The following ABTB2 variants were observed in gnomAD, a reference collection of about 807,000 sequenced individuals.
ABTB2 encodes ankyrin repeat and BTB/POZ domain-containing protein 2.
ABTB2 carries 56 observed loss-of-function variants against 104.1 expected under a neutral mutation model. That is an observed-to-expected ratio of 0.54 (90% CI 0.43 to 0.67). ABTB2 has a LOEUF of 0.67. ABTB2 is among the 30% of genes least tolerant of loss of function. ABTB2 has a pLI of 0.00. For missense variants in ABTB2, 1,279 were observed against 1,407.7 expected, an observed-to-expected ratio of 0.91 and a Z score of 1.46; for synonymous variants, 606 against 608.2, an observed-to-expected ratio of 1.00 and a Z score of 0.05.
intron 1 of ABTB2, among the ~76,000 whole-genome samples, chr11:34,234,618 A>G (rs1481316026): frequency 6.6e-6 from 1 of 152,210 alleles, no homozygotes; most frequent in East Asian, 1.9e-4. Flanking sequence ...CGCCTCTCAC[A>G]AAACCTAGGT....
At chr11:34,319,668 T>C (rs1285842073) in intron 1 of ABTB2, among the ~76,000 whole-genome samples, 2 of 152,152 alleles carry the variant, frequency 1.3e-5, no homozygotes, top group African/African-American at 4.8e-5. Flanking sequence ...GACTATTTTA[T>C]TTTATATTTA....
At chr11:34,233,327 C>T (rs116849738) in intron 1 of ABTB2, among the ~76,000 whole-genome samples, 185 of 81,836 alleles carry the variant, frequency 2.3e-3, no homozygotes, top group South Asian at 4.8e-3. Context: ...TCATGGCTCA[C>T]TGCAGCTTTT....
At chr11:34,191,581 C>T (rs1853177744) in intron 3 of ABTB2, among the ~76,000 whole-genome samples, 1 of 152,204 alleles carries the variant, frequency 6.6e-6, no homozygotes, top group South Asian at 2.1e-4. Context: ...ACATATCAGA[C>T]TTCTCCAGGG....
Position 34,154,843 on chromosome 11 carries a change from A to G in ABTB2, c.2698-74T>C, listed in dbSNP as rs1039497202. 2.0e-6 allele frequency: 3 copies of G among 1,498,760 alleles called. No homozygotes were observed. The highest frequency in any genetic ancestry group is 2.8e-6 in the Non-Finnish European group (3 of 1,081,716). 92.8% of individuals were successfully genotyped at this position (1,498,760 alleles called of 1,614,324 possible). A position where few individuals can be genotyped will look rare whatever the true frequency, so the allele number is the denominator to read the frequency against. On this transcript the variant is annotated intron_variant, in intron 14 of 16. Coordinates refer to ENST00000435224, the MANE Select transcript of ABTB2 (RefSeq NM_145804.3). The surrounding 1 kb of genome is among the most constrained non-coding windows in gnomAD (Gnocchi z 4.9). ...AAAGTCCTTGCCAGCCCCACAGGGT[A>G]CTGCTCCAGCTGCCGCCTCCAGGGG...
At chr11:34,230,443 C>T (rs945482170) in intron 1 of ABTB2, among the ~76,000 whole-genome samples, 3 of 152,228 alleles carry the variant, frequency 2.0e-5, no homozygotes, top group East Asian at 1.9e-4. Flanking sequence ...AAATAACTTT[C>T]GGGGAGCCCT....
chr11:34,357,068 C>G lies in ABTB2; in HGVS notation c.516G>C (p.Glu172Asp). The change falls in exon 1 of 17, where the codon GAG becomes GAC. Residue 172 changes from glutamate to aspartate, a missense_variant. Coordinates refer to ENST00000435224, the MANE Select transcript of ABTB2 (RefSeq NM_145804.3). The part of the protein sequence containing the change: ...VRLVHSWALA[E>D]SCALAAVKAL... ...CCTTGACGGCTGCCAGCGCGCAGCT[C>G]TCGGCCAGCGCCCAGCTGTGCACCA... 6.6e-7 allele frequency: 1 copy of G among 1,524,080 alleles called. No individual in the cohort carries two copies. Among genetic ancestry groups the G allele is most frequent in the South Asian group, 1.2e-5 (1 of 83,148 alleles). The allele number at this position is 1,524,080 out of a possible 1,614,324, so 94.4% of individuals were successfully genotyped here. A position where few individuals can be genotyped will look rare whatever the true frequency, so the allele number is the denominator to read the frequency against.
At chr11:34,266,793 G>A (rs1030590167) in intron 1 of ABTB2, among the ~76,000 whole-genome samples, 4 of 151,894 alleles carry the variant, frequency 2.6e-5, no homozygotes, top group Non-Finnish European at 4.4e-5. Flanking sequence ...TGTGCCCTCT[G>A]TAGACATGTG....
At chr11:34,196,091 C>T (rs1280618323) in intron 3 of ABTB2, among the ~76,000 whole-genome samples, 1 of 152,184 alleles carries the variant, frequency 6.6e-6, no homozygotes, top group African/African-American at 2.4e-5. Context: ...GACCCTCAAA[C>T]CCACAACTCT....
At chr11:34,159,768 T>C (rs1293624506) in intron 13 of ABTB2, 138 bp downstream of exon 13, 3 of 702,670 alleles carry the variant, frequency 4.3e-6, no homozygotes, top group African/African-American at 1.8e-5. Flanking sequence ...CGAGTGGGGC[T>C]CTGCTGCAAT....
In ABTB2 at chr11:34,197,522, A is replaced by G; in HGVS notation, c.1047T>C (p.Arg349=). ...SISELSDLVS[R]AMHHMQGRHP... The stretch of plus-strand genomic sequence containing the variant: ...GACGCCCCTGCATGTGGTGCATGGC[A>G]CGGGAGACCAAGTCACCTGGTGGGG... Residue 349 remains arginine, a synonymous_variant, in exon 3 of 17, where the codon CGT becomes CGC. Coordinates refer to ENST00000435224, the MANE Select transcript of ABTB2 (RefSeq NM_145804.3). 4 of 1,580,408 alleles carry G rather than the reference A, an allele frequency of 2.5e-6. No homozygotes were observed. Among genetic ancestry groups the G allele is most frequent in the Non-Finnish European group, 2.6e-6 (3 of 1,169,730 alleles).
At chr11:34,260,851 G>A (rs1854180360) in intron 1 of ABTB2, among the ~76,000 whole-genome samples, 2 of 152,156 alleles carry the variant, frequency 1.3e-5, no homozygotes, top group African/African-American at 4.8e-5. Context: ...ACACGTCCTT[G>A]TCCTGTGGGG....
intron 1 of ABTB2, among the ~76,000 whole-genome samples, chr11:34,352,166 G>A (rs1380030423): frequency 6.6e-6 from 1 of 152,142 alleles, no homozygotes; most frequent in Non-Finnish European, 1.5e-5. Flanking sequence ...ACAACCAGAA[G>A]AGGTTTCGTC....
At chr11:34,340,758 G>A (rs1279200372) in intron 1 of ABTB2, among the ~76,000 whole-genome samples, 1 of 152,186 alleles carries the variant, frequency 6.6e-6, no homozygotes, top group East Asian at 1.9e-4. Flanking sequence ...CGGCTCTCCA[G>A]GTAGATACCA....
chr11:34,251,603 C>T (rs1029144110), intron 1 of ABTB2, among the ~76,000 whole-genome samples: 2 of 152,160 alleles, frequency 1.3e-5, no homozygotes, highest in Non-Finnish European at 2.9e-5. Flanking sequence ...ATGGAGGGTT[C>T]TTTACTTTCT....
In ABTB2 at chr11:34,171,026, T is replaced by G. The variant is rs745911780; in HGVS notation, c.1443A>C (p.Ala481=). Residue 481 remains alanine, a synonymous_variant, in exon 5 of 17, where the codon GCA becomes GCC. Coordinates refer to ENST00000435224, the MANE Select transcript of ABTB2 (RefSeq NM_145804.3). ...FSSFRRLDAR[A]ATEKFNQDLG... ...GGTCCTGGTTGAATTTTTCAGTAGCTGCTCGGGCATCCAGCCTCCGGAAGG... is the reference window on the plus strand; with the variant it reads ...GGTCCTGGTTGAATTTTTCAGTAGCGGCTCGGGCATCCAGCCTCCGGAAGG... 6.2e-7 allele frequency: 1 copy of G among 1,614,202 alleles called. No homozygotes were observed. The highest frequency in any genetic ancestry group is 8.5e-7 in the Non-Finnish European group (1 of 1,180,038).
In ABTB2 at chr11:34,160,888, A is replaced by C; in HGVS notation, c.2397+15T>G. On this transcript the variant is annotated intron_variant, in intron 11 of 16. Transcript: ENST00000435224. ...TGGGCCGTGGGCTTGGGAACTGGCCACTGGCCACACTTACTTTGCTGGTCT... is the reference window on the plus strand; with the variant it reads ...TGGGCCGTGGGCTTGGGAACTGGCCCCTGGCCACACTTACTTTGCTGGTCT... The C allele has an allele frequency of 6.3e-7, 1 of 1,589,332 alleles. No individual in the cohort carries two copies. Among genetic ancestry groups the C allele is most frequent in the Non-Finnish European group, 8.6e-7 (1 of 1,165,744 alleles).
intron 1 of ABTB2, among the ~76,000 whole-genome samples, chr11:34,218,630 AC>A (rs1478175058): frequency 6.6e-6 from 1 of 151,964 alleles, no homozygotes; most frequent in Non-Finnish European, 1.5e-5. Context: ...TGGGCAGATC[AC>A]CTGAGGTCGG....
chr11:34,357,510 TC>T lies in ABTB2; in HGVS notation c.73del (p.Asp25ThrfsTer37), dbSNP rs1419409756. 6.5e-7 allele frequency: 1 copy of T among 1,540,728 alleles called. No individual in the cohort carries two copies. On this transcript the variant is annotated frameshift_variant, in exon 1 of 17. Coordinates refer to ENST00000435224, the MANE Select transcript of ABTB2 (RefSeq NM_145804.3). LOFTEE classifies it high-confidence loss of function. ...CGAGAGGCTGAGCGAGCGGCACGAG[TC>T]CCCGGCCCCATACCCGGAGTCCAAG... ...LTLDSGYGAG[D>X]SCRSLSLSSS...
At chr11:34,220,240 C>T (rs914660907) in intron 1 of ABTB2, among the ~76,000 whole-genome samples, 1 of 152,158 alleles carries the variant, frequency 6.6e-6, no homozygotes, top group African/African-American at 2.4e-5. Flanking sequence ...CACTTGAAAC[C>T]GGGCTGACCT....
Sources: gnomAD v4.1 joint callset for allele counts (sites outside exome capture counted in the v4.1 genomes callset) on GRCh38, gnomAD v4.1.1 for gene constraint, Gnocchi (gnomAD v3.1) non-coding constraint, MANE v1.5 for transcripts, NCBI Gene and HGNC (gene_info 2026-07-23, HGNC 2026-07-21) for gene names.